Variants in CPED1 observed in about 807,000 individuals in gnomAD.
CPED1 encodes cadherin like and PC-esterase domain containing 1.
A neutral mutation model predicts 128.2 loss-of-function variants in CPED1; 114 were observed. The observed-to-expected ratio is 0.89, with a 90% CI of 0.76 to 1.04. The LOEUF (loss-of-function observed/expected upper bound fraction) is 1.04. CPED1 is among the 50% of genes least tolerant of loss of function. The pLI is 0.00. For missense variants in CPED1, 1,211 were observed against 1,207.1 expected (o/e 1.00, Z -0.05); for synonymous variants, 462 against 426.7 (o/e 1.08, Z -1.02).
intron 16 of CPED1, among the ~76,000 whole-genome samples, chr7:121,223,644 A>G (rs955883037): frequency 1.3e-5 from 2 of 151,932 alleles, no homozygotes; most frequent in Admixed American, 6.6e-5. Flanking sequence ...GGAGCCTGTT[A>G]TTGGTCTATT....
intron 16 of CPED1, among the ~76,000 whole-genome samples, chr7:121,189,457 A>T (rs1266503904): frequency 6.6e-6 from 1 of 151,864 alleles, no homozygotes; most frequent in Non-Finnish European, 1.5e-5. Context: ...ATCAGTTCTC[A>T]TGAGAACCCA....
At position 121,127,196 on chromosome 7, in the gene CPED1, A is replaced by C; in HGVS notation, c.1241A>C (p.Glu414Ala). 6.3e-7 allele frequency: 1 copy of C among 1,593,840 alleles called. No homozygotes were observed. The highest frequency in any genetic ancestry group is 8.6e-7 in the Non-Finnish European group (1 of 1,163,538). Reference protein sequence around the residue: ...NDTFNFLFPNESSLSIFSEIF... With the variant: ...NDTFNFLFPNASSLSIFSEIF... Reference sequence around the variant, plus strand: ...ACTTTCAATTTTCTCTTCCCTAATGAATCATCACTTTCCATATTTTCTGAG... The same window carrying C: ...ACTTTCAATTTTCTCTTCCCTAATGCATCATCACTTTCCATATTTTCTGAG... Residue 414 changes from glutamate to alanine, a missense_variant, in exon 10 of 23, where the codon GAA becomes GCA. Transcript: ENST00000310396.
intron 16 of CPED1, among the ~76,000 whole-genome samples, chr7:121,194,022 C>CTCTCTA (rs1484413430): frequency 1.8e-3 from 131 of 74,662 alleles, no homozygotes; most frequent in Non-Finnish European, 2.6e-3. Flanking sequence ...CTCTCTCTCT[C>CTCTCTA]TATATATATA....
intron 5 of CPED1, among the ~76,000 whole-genome samples, chr7:121,073,541 C>T (rs1361082465): frequency 5.3e-5 from 8 of 152,150 alleles, no homozygotes; most frequent in Non-Finnish European, 1.2e-4. Flanking sequence ...AGCTTCAGTG[C>T]CCATATCGTA....
intron 2 of CPED1, among the ~76,000 whole-genome samples, chr7:121,014,356 T>A (rs376275598): frequency 6.6e-6 from 1 of 151,970 alleles, no homozygotes. Context: ...ATCAAGACCA[T>A]CCTGGCTAAC....
At chr7:121,294,400 T>G (rs1320201373) in intron 22 of CPED1, among the ~76,000 whole-genome samples, 1 of 152,136 alleles carries the variant, frequency 6.6e-6, no homozygotes, top group East Asian at 1.9e-4. Context: ...GGTGGGAAGA[T>G]CTATGCACAC....
At chr7:121,138,538 G>T (rs1795831176) in intron 14 of CPED1, among the ~76,000 whole-genome samples, 1 of 152,044 alleles carries the variant, frequency 6.6e-6, no homozygotes, top group African/African-American at 2.4e-5. Flanking sequence ...ATAAGCACTT[G>T]CTGAAGAGAA....
intron 3 of CPED1, among the ~76,000 whole-genome samples, chr7:121,036,339 G>A (rs1194472319): frequency 6.6e-6 from 1 of 151,862 alleles, no homozygotes; most frequent in African/African-American, 2.4e-5. Context: ...CATCCTCATA[G>A]CAGCTCCCAC....
intron 22 of CPED1, among the ~76,000 whole-genome samples, chr7:121,278,048 A>G (rs1792365141): frequency 6.6e-6 from 1 of 152,154 alleles, no homozygotes; most frequent in African/African-American, 2.4e-5. Flanking sequence ...CTTTCTGATC[A>G]TCTTAAGAGT....
chr7:121,128,622 T>G (rs948590034), intron 11 of CPED1, 136 bp downstream of exon 11: 2 of 582,046 alleles, frequency 3.4e-6, no homozygotes, highest in Non-Finnish European at 6.2e-6. Context: ...TACTTTGCTC[T>G]TTCAGAGATC....
chr7:121,111,169 A>G (rs1178867432), intron 7 of CPED1, among the ~76,000 whole-genome samples: 9 of 152,162 alleles, frequency 5.9e-5, no homozygotes, highest in Admixed American at 5.9e-4. Flanking sequence ...GTTCTTACTC[A>G]TCTACCTCTT....
chr7:121,152,706 TAAGAGGAAAGTTTAA>T (rs1796186655), intron 16 of CPED1, among the ~76,000 whole-genome samples: 2 of 152,312 alleles, frequency 1.3e-5, no homozygotes, highest in Admixed American at 1.3e-4. Flanking sequence ...CAGATTGGCA[TAAGAGGAAAGTTTAA>T]AACATCAAAT....
At chr7:121,089,019 G>T (rs982719241) in intron 5 of CPED1, among the ~76,000 whole-genome samples, 4 of 152,126 alleles carry the variant, frequency 2.6e-5, no homozygotes, top group Admixed American at 2.0e-4. Flanking sequence ...TTCTGACTCA[G>T]GCCCTTGGGT....
chr7:121,280,075 G>A (rs1448488505), intron 22 of CPED1, among the ~76,000 whole-genome samples: 1 of 152,166 alleles, frequency 6.6e-6, no homozygotes, highest in Non-Finnish European at 1.5e-5. Context: ...AACATTTAGT[G>A]CCTTAATCTT....
intron 5 of CPED1, among the ~76,000 whole-genome samples, chr7:121,081,315 A>G (rs2116138817): frequency 6.6e-6 from 1 of 152,274 alleles, no homozygotes; most frequent in Admixed American, 6.5e-5. Context: ...TGTGGTTAGA[A>G]AGGAACATGT....
intron 3 of CPED1, among the ~76,000 whole-genome samples, chr7:121,034,540 C>T (rs1765173840): frequency 6.6e-6 from 1 of 152,088 alleles, no homozygotes; most frequent in African/African-American, 2.4e-5. Flanking sequence ...GCCACTGCGC[C>T]TGGCCGACAT....
At chr7:121,204,284 T>C (rs1172978860) in intron 16 of CPED1, among the ~76,000 whole-genome samples, 1 of 152,022 alleles carries the variant, frequency 6.6e-6, no homozygotes, top group Non-Finnish European at 1.5e-5. Context: ...AAGTCCATAA[T>C]AGTTTTACAA....
intron 16 of CPED1, among the ~76,000 whole-genome samples, chr7:121,176,454 A>G (rs929512070): frequency 1.3e-5 from 2 of 151,996 alleles, no homozygotes; most frequent in Non-Finnish European, 2.9e-5. Context: ...CTGAAAAAAA[A>G]CACAGTTGGA....
chr7:121,099,790 G>A (rs1399660552), intron 6 of CPED1, 136 bp from the exon 7 acceptor site: 1 of 834,734 alleles, frequency 1.2e-6, no homozygotes, highest in South Asian at 2.0e-5. Context: ...AACTGAAATT[G>A]TTCAAGGAAA....
Sources: gnomAD v4.1 joint callset for allele counts (sites outside exome capture counted in the v4.1 genomes callset) on GRCh38, gnomAD v4.1.1 for gene constraint, MANE v1.5 for transcripts, NCBI Gene and HGNC (gene_info 2026-07-23, HGNC 2026-07-21) for gene names.